The following NRG3 variants were observed in gnomAD, a reference collection of about 807,000 sequenced individuals.
NRG3 encodes pro-neuregulin-3, membrane-bound isoform.
In NRG3, 31 loss-of-function variants were observed where a neutral mutation model predicts 66.9. The observed-to-expected ratio is 0.46, with a 90% confidence interval of 0.35 to 0.63. The LOEUF (loss-of-function observed/expected upper bound fraction) is 0.63, where lower values mean the gene tolerates loss of function less well. NRG3 is among the 20% of genes least tolerant of loss of function. The pLI, the probability that NRG3 is intolerant of heterozygous loss-of-function variation, is 0.00. For synonymous variants in NRG3, 393 were observed against 359.4 expected (o/e 1.09, Z -1.06); for missense variants, 910 against 878.9 (o/e 1.04, Z -0.45).
chr10:82,963,834 G>C (rs1411118683), intron 6 of NRG3, among the ~76,000 whole-genome samples: 1 of 152,120 alleles, frequency 6.6e-6, no homozygotes, highest in African/African-American at 2.4e-5. Flanking sequence ...GGTTTGGTGG[G>C]GGTGAGTGAC....
At chr10:82,181,875 T>G (rs1003448914) in intron 1 of NRG3, among the ~76,000 whole-genome samples, 1 of 151,808 alleles carries the variant, frequency 6.6e-6, no homozygotes, top group Non-Finnish European at 1.5e-5. Flanking sequence ...TGTTATTGTG[T>G]TGCTGTGTAT....
At position 81,875,811 on chromosome 10, in the gene NRG3, C is replaced by T. The variant is rs139334295; in HGVS notation, c.471C>T (p.Arg157=). ...SSRTPNRIST[R]LTTITRAPTR... ...GGACGCCCAACCGGATTAGCACTCG[C>T]CTGACCACCATCACGCGGGCGCCCA... Residue 157 remains arginine, a synonymous_variant, in exon 1 of 9, where the codon CGC becomes CGT. Coordinates refer to ENST00000372141, the MANE Select transcript of NRG3 (RefSeq NM_001010848.4). This position sits in a 1 kb window ranked among gnomAD's most constrained non-coding sequence, Gnocchi z 5.3. The T allele has an allele frequency of 2.5e-4, 395 of 1,609,590 alleles. No homozygotes were observed. Among genetic ancestry groups the T allele is most frequent in the Non-Finnish European group, 3.2e-4 (377 of 1,179,858 alleles).
chr10:82,966,218 C>T (rs1246866702), intron 6 of NRG3, among the ~76,000 whole-genome samples: 2 of 152,140 alleles, frequency 1.3e-5, no homozygotes, highest in Non-Finnish European at 2.9e-5. Flanking sequence ...TGAGTGTTCA[C>T]CTGATTGCTG....
At chr10:82,162,937 C>T (rs1199673802) in intron 1 of NRG3, among the ~76,000 whole-genome samples, 1 of 152,116 alleles carries the variant, frequency 6.6e-6, no homozygotes, top group Non-Finnish European at 1.5e-5. Flanking sequence ...TATTAAAATG[C>T]TATTGCCCTG....
chr10:82,746,003 C>A (rs2058628223), intron 3 of NRG3, among the ~76,000 whole-genome samples: 1 of 152,118 alleles, frequency 6.6e-6, no homozygotes, highest in East Asian at 1.9e-4. Flanking sequence ...GTGAGCTTGC[C>A]TCAGCCTCCC....
intron 2 of NRG3, among the ~76,000 whole-genome samples, chr10:82,644,320 A>G (rs2050788982): frequency 2.0e-5 from 3 of 152,114 alleles, no homozygotes; most frequent in South Asian, 2.1e-4. Flanking sequence ...ATAAGTTTCT[A>G]AAGTGTTTGC....
At chr10:82,749,580 C>G (rs968531230) in intron 3 of NRG3, among the ~76,000 whole-genome samples, 2 of 152,040 alleles carry the variant, frequency 1.3e-5, no homozygotes, top group African/African-American at 4.8e-5. Context: ...GTATTTCTAC[C>G]TTTACTGTAT....
intron 3 of NRG3, among the ~76,000 whole-genome samples, chr10:82,832,399 CATTGAAAATTCACT>C: frequency 6.6e-6 from 1 of 152,124 alleles, no homozygotes; most frequent in African/African-American, 2.4e-5. Context: ...CCTTAAACCC[CATTGAAAATTCACT>C]GTCCTCTAGG....
chr10:82,778,380 G>T (rs150210691), intron 3 of NRG3, among the ~76,000 whole-genome samples: 3,036 of 152,226 alleles, frequency 0.02, 108 homozygotes, highest in African/African-American at 0.069. Context: ...CTGCATTGCT[G>T]GGGAGGCCTC....
intron 4 of NRG3, among the ~76,000 whole-genome samples, chr10:82,879,938 T>C (rs993999826): frequency 1.3e-5 from 2 of 151,122 alleles, no homozygotes; most frequent in Non-Finnish European, 2.9e-5. Flanking sequence ...GCATTCACTC[T>C]TCTAAGAAGG....
chr10:82,117,726 A>G (rs1380572624), intron 1 of NRG3, among the ~76,000 whole-genome samples: 1 of 152,120 alleles, frequency 6.6e-6, no homozygotes, highest in Non-Finnish European at 1.5e-5. Flanking sequence ...CCTACAGCTA[A>G]CAGGAACTAC....
intron 1 of NRG3, among the ~76,000 whole-genome samples, chr10:82,058,751 A>G (rs539618211): frequency 6.6e-6 from 1 of 152,248 alleles, no homozygotes; most frequent in East Asian, 1.9e-4. Context: ...CTTGAGAACA[A>G]AAATGAAAAA....
At chr10:82,455,210 G>A (rs1429757488) in intron 2 of NRG3, among the ~76,000 whole-genome samples, 1 of 152,122 alleles carries the variant, frequency 6.6e-6, no homozygotes, top group East Asian at 1.9e-4. Flanking sequence ...ATTTAATGAT[G>A]GAATATGTTC....
At chr10:82,082,367 C>G (rs150409110) in intron 1 of NRG3, among the ~76,000 whole-genome samples, 1 of 152,112 alleles carries the variant, frequency 6.6e-6, no homozygotes, top group Non-Finnish European at 1.5e-5. Flanking sequence ...TAGTTCAAAC[C>G]CATTATTTTC....
intron 1 of NRG3, among the ~76,000 whole-genome samples, chr10:82,146,005 A>G (rs941194800): frequency 6.6e-6 from 1 of 152,204 alleles, no homozygotes; most frequent in Non-Finnish European, 1.5e-5. Context: ...TGATAAAATC[A>G]TATTTGCTGG....
At chr10:82,797,773 C>T (rs1026199934) in intron 3 of NRG3, among the ~76,000 whole-genome samples, 4 of 152,068 alleles carry the variant, frequency 2.6e-5, no homozygotes, top group African/African-American at 9.7e-5. Flanking sequence ...ATTGGTAGAT[C>T]GGAGTTGTCT....
At chr10:82,791,418 G>T (rs1277866754) in intron 3 of NRG3, among the ~76,000 whole-genome samples, 1 of 151,812 alleles carries the variant, frequency 6.6e-6, no homozygotes, top group East Asian at 1.9e-4. Context: ...GTGGTCCACT[G>T]ATTTCTACAG....
At chr10:82,228,614 G>A (rs999057258) in intron 1 of NRG3, among the ~76,000 whole-genome samples, 5 of 152,070 alleles carry the variant, frequency 3.3e-5, no homozygotes, top group Non-Finnish European at 5.9e-5. Context: ...TTGTAGATAT[G>A]AAATATATTT....
chr10:82,923,149 G>C (rs2132082647), intron 4 of NRG3, among the ~76,000 whole-genome samples: 1 of 152,272 alleles, frequency 6.6e-6, no homozygotes, highest in South Asian at 2.1e-4. Context: ...CAATCTCCCA[G>C]CCATGCCCAT....
Sources: allele counts gnomAD v4.1 joint callset (sites outside exome capture counted in the v4.1 genomes callset), GRCh38; gene constraint gnomAD v4.1.1; non-coding constraint Gnocchi (gnomAD v3.1); transcripts MANE v1.5; gene names NCBI Gene and HGNC (gene_info 2026-07-23, HGNC 2026-07-21).